The following AQP9 variants were observed in gnomAD, a reference collection of about 807,000 sequenced individuals.
The protein encoded by AQP9 is aquaporin 9.
Under a neutral mutation model 23.8 loss-of-function variants are expected in AQP9, and 19 were observed. The observed-to-expected ratio is 0.80, with a 90% confidence interval of 0.56 to 1.17. AQP9 has a LOEUF of 1.17. Among genes scored for constraint, AQP9 ranks in the 50% most tolerant of loss-of-function variants. The probability of loss-of-function intolerance (pLI) is 0.00; values close to 1 mark genes in which losing one functional copy is unlikely to be tolerated. For missense variants in AQP9, 413 were observed against 362.0 expected (o/e 1.14, Z -1.14); for synonymous variants, 153 against 131.5 (o/e 1.16, Z -1.12).
At chr15:58,163,736 C>T (rs1163785032) in intron 1 of AQP9, among the ~76,000 whole-genome samples, 2 of 152,038 alleles carry the variant, frequency 1.3e-5, no homozygotes, top group African/African-American at 4.8e-5. Flanking sequence ...CAGGGAATCA[C>T]GATGGAACTT....
chr15:58,168,705 C>G (rs1184221265), intron 2 of AQP9, among the ~76,000 whole-genome samples: 6 of 152,180 alleles, frequency 3.9e-5, no homozygotes, highest in African/African-American at 1.4e-4. Flanking sequence ...TCCATTCAAA[C>G]TTTTGTCCAG....
intron 1 of AQP9, among the ~76,000 whole-genome samples, chr15:58,156,922 T>C (rs1331151178): frequency 1.3e-5 from 2 of 152,188 alleles, no homozygotes. Context: ...GGAAAATTAC[T>C]TAATTTCTTT....
In AQP9 at chr15:58,185,208, A is replaced by C. The variant is rs1389151065; in HGVS notation, c.*1073A>C. Reference sequence around the variant, plus strand: ...TGCCCATTTTTCAGATAAAGAAACAAAATCTTAGGGAAGATAAGTTGAGTT... The same window carrying C: ...TGCCCATTTTTCAGATAAAGAAACACAATCTTAGGGAAGATAAGTTGAGTT... On this transcript the variant is annotated 3_prime_UTR_variant, in exon 6 of 6. Transcript: ENST00000219919. 2 of 152,594 alleles carry C rather than the reference A, an allele frequency of 1.3e-5. 1 individual carries two copies. The highest frequency in any genetic ancestry group is 1.3e-4 in the Admixed American group (2 of 15,284). 9.5% of individuals were successfully genotyped at this position (152,594 alleles called of 1,614,324 possible).
chr15:58,173,740 T>G (rs1898678164), intron 3 of AQP9, among the ~76,000 whole-genome samples: 1 of 152,178 alleles, frequency 6.6e-6, no homozygotes, highest in Non-Finnish European at 1.5e-5. Context: ...CTCTAGCTGT[T>G]CAGTAAATAC....
chr15:58,145,700 A>G (rs1416681161), intron 1 of AQP9, among the ~76,000 whole-genome samples: 1 of 152,122 alleles, frequency 6.6e-6, no homozygotes, highest in Non-Finnish European at 1.5e-5. Context: ...CTTATTTAAA[A>G]ATGCATTCCT....
chr15:58,173,149 G>C lies in AQP9; in HGVS notation c.320G>C (p.Gly107Ala). 2 of 1,614,154 alleles carry C rather than the reference G, an allele frequency of 1.2e-6. No homozygotes were observed. The highest frequency in any genetic ancestry group is 1.7e-6 in the Non-Finnish European group (2 of 1,180,022). Residue 107 changes from glycine to alanine, a missense_variant, in exon 3 of 6, where the codon GGA (glycine) becomes GCA (alanine). Gly to Ala is a moderately conservative substitution (Grantham distance 60). Transcript: ENST00000219919. ...MKWFKLPFYV[G>A]AQFLGAFVGA... The stretch of plus-strand genomic sequence containing the variant: ...TGGTTCAAATTGCCATTTTATGTGG[G>C]AGCCCAGTTCTTGGGAGCCTTTGTG...
intron 1 of AQP9, among the ~76,000 whole-genome samples, chr15:58,143,444 T>A (rs1237549982): frequency 1.3e-5 from 2 of 152,160 alleles, no homozygotes; most frequent in Non-Finnish European, 2.9e-5. Flanking sequence ...CTGCTCTCAT[T>A]TTATAGATGA....
chr15:58,150,579 T>G (rs1898131081), intron 1 of AQP9: 2 of 152,562 alleles, frequency 1.3e-5, no homozygotes, highest in Non-Finnish European at 2.9e-5. Context: ...TCTTTTAGTA[T>G]AAGCAATACC....
chr15:58,182,798 A>C (rs771657457), intron 5 of AQP9, among the ~76,000 whole-genome samples: 4 of 152,154 alleles, frequency 2.6e-5, no homozygotes, highest in Non-Finnish European at 4.4e-5. Context: ...GCAATGGAGG[A>C]CTTCGGAGAC....
chr15:58,142,383 A>T (rs1897966527), intron 1 of AQP9, among the ~76,000 whole-genome samples: 1 of 152,202 alleles, frequency 6.6e-6, no homozygotes, highest in South Asian at 2.1e-4. Flanking sequence ...CTTTCATGTG[A>T]AAGCCCAAGC....
chr15:58,174,608 A>T (rs2414548), intron 3 of AQP9, among the ~76,000 whole-genome samples: 133,513 of 152,264 alleles, frequency 0.88, 59,211 homozygotes, highest in Non-Finnish European at 0.95. Context: ...ACTTTGGCTT[A>T]CAGTTGACCT....
intron 2 of AQP9, among the ~76,000 whole-genome samples, chr15:58,172,751 C>T (rs1898651253): frequency 6.6e-6 from 1 of 152,084 alleles, no homozygotes; most frequent in South Asian, 2.1e-4. Context: ...GGGGTGACTG[C>T]TTTATAGATA....
At chr15:58,149,341 C>A (rs1167854683) in intron 1 of AQP9, among the ~76,000 whole-genome samples, 1 of 152,186 alleles carries the variant, frequency 6.6e-6, no homozygotes, top group Non-Finnish European at 1.5e-5. Flanking sequence ...CGTGAGAGTG[C>A]CTCACCATGG....
chr15:58,182,297 A>T (rs565582138), intron 5 of AQP9, among the ~76,000 whole-genome samples: 1 of 152,202 alleles, frequency 6.6e-6, no homozygotes, highest in Admixed American at 6.5e-5. Flanking sequence ...GTTAACATAC[A>T]CATGTTCCTG....
At chr15:58,162,635 T>A (rs2140611824) in intron 1 of AQP9, among the ~76,000 whole-genome samples, 1 of 152,302 alleles carries the variant, frequency 6.6e-6, no homozygotes, top group African/African-American at 2.4e-5. Flanking sequence ...AGAGATGGCA[T>A]GGTGCAGGGT....
intron 1 of AQP9, among the ~76,000 whole-genome samples, chr15:58,139,530 G>GT (rs1295962314): frequency 2.0e-4 from 31 of 152,070 alleles, no homozygotes; most frequent in Admixed American, 1.0e-3. Context: ...ATTTCAACTG[G>GT]TTTTTTTTAT....
chr15:58,160,445 C>A (rs1898351857), intron 1 of AQP9, among the ~76,000 whole-genome samples: 1 of 152,060 alleles, frequency 6.6e-6, no homozygotes. Flanking sequence ...AATTTTTTAT[C>A]TTTTCCTGCT....
At chr15:58,171,062 T>G (rs1898609499) in intron 2 of AQP9, among the ~76,000 whole-genome samples, 1 of 150,196 alleles carries the variant, frequency 6.7e-6, no homozygotes, top group Admixed American at 6.6e-5. Flanking sequence ...GTAGCCAGGA[T>G]CACAGGTGCG....
intron 1 of AQP9, among the ~76,000 whole-genome samples, chr15:58,156,514 A>G (rs1396637856): frequency 1.3e-5 from 2 of 152,200 alleles, no homozygotes; most frequent in Non-Finnish European, 2.9e-5. Flanking sequence ...AGTACATTAA[A>G]TCATTCATCG....
Sources: allele counts gnomAD v4.1 joint callset (sites outside exome capture counted in the v4.1 genomes callset), GRCh38; gene constraint gnomAD v4.1.1; transcripts MANE v1.5; gene names NCBI Gene and HGNC (gene_info 2026-07-23, HGNC 2026-07-21).